The following GYS2 variants were observed in gnomAD, a reference collection of about 807,000 sequenced individuals.
GYS2 encodes the protein glycogen [starch] synthase, liver.
A neutral mutation model predicts 85.6 loss-of-function variants in GYS2; 80 were observed. The ratio of observed to expected loss-of-function variants is 0.93; its 90% CI spans 0.78 to 1.13. The LOEUF is 1.13. Ranked by LOEUF, GYS2 falls within the 50% of genes most tolerant of loss-of-function variation. The pLI, the probability that GYS2 is intolerant of heterozygous loss-of-function variation, is 0.00. For missense variants in GYS2, 881 were observed against 854.9 expected (o/e 1.03, Z -0.38); for synonymous variants, 328 against 300.7 (o/e 1.09, Z -0.94).
intron 4 of GYS2, among the ~76,000 whole-genome samples, chr12:21,569,482 C>T (rs1047912052): frequency 1.3e-4 from 20 of 152,266 alleles, no homozygotes; most frequent in African/African-American, 4.1e-4. Flanking sequence ...GAAAGACAAA[C>T]GCTTTTCCTT....
At chr12:21,538,670 G>C (rs938589066) in intron 15 of GYS2, among the ~76,000 whole-genome samples, 1 of 152,140 alleles carries the variant, frequency 6.6e-6, no homozygotes, top group African/African-American at 2.4e-5. Context: ...CTACTGCAAG[G>C]ACTGATCCCA....
Position 21,559,185 on chromosome 12 carries a change from G to T in GYS2, c.1230-16C>A, listed in dbSNP as rs752813119. ...AATTTCTCCTCTGCAGGGAAAAAAT[G>T]TTAATAACAAAAATAAAAACAGCTG... On this transcript the variant is annotated splice_polypyrimidine_tract_variant and intron_variant, in intron 9 of 15. Transcript: ENST00000261195. 9 of 1,502,632 alleles carry T rather than the reference G, an allele frequency of 6.0e-6. No homozygotes were observed. The Admixed American group carries it at 1.3e-4, about 22-fold the overall frequency. The allele number at this position is 1,502,632 out of a possible 1,614,324, so 93.1% of individuals were successfully genotyped here.
intron 7 of GYS2, among the ~76,000 whole-genome samples, chr12:21,561,082 G>A (rs11046119): frequency 0.03 from 4,539 of 152,192 alleles, 126 homozygotes; most frequent in Non-Finnish European, 0.04. Context: ...AGCACATGAC[G>A]AGCACTTTTG....
intron 2 of GYS2, among the ~76,000 whole-genome samples, chr12:21,579,636 T>C (rs954075349): frequency 6.6e-6 from 1 of 152,094 alleles, no homozygotes; most frequent in Non-Finnish European, 1.5e-5. Context: ...GCTGGGATTA[T>C]AGGCATGAGC....
At chr12:21,551,615 A>G (rs945971352) in intron 11 of GYS2, among the ~76,000 whole-genome samples, 1 of 152,158 alleles carries the variant, frequency 6.6e-6, no homozygotes, top group Non-Finnish European at 1.5e-5. Context: ...GCAGATCCAT[A>G]AGTAAGAGAT....
chr12:21,577,251 T>C (rs1944456906), intron 2 of GYS2, among the ~76,000 whole-genome samples: 1 of 152,234 alleles, frequency 6.6e-6, no homozygotes, highest in South Asian at 2.1e-4. Flanking sequence ...ATTCATTGCT[T>C]CATGTATTTA....
chr12:21,601,347 C>T (rs1944754511), intron 1 of GYS2, among the ~76,000 whole-genome samples: 1 of 152,080 alleles, frequency 6.6e-6, no homozygotes, highest in South Asian at 2.1e-4. Flanking sequence ...AGTGACTCCT[C>T]ATTCATTGTT....
chr12:21,600,990 G>A (rs112284336), intron 1 of GYS2, among the ~76,000 whole-genome samples: 2 of 152,110 alleles, frequency 1.3e-5, no homozygotes, highest in African/African-American at 2.4e-5. Flanking sequence ...TAAGAGGGAA[G>A]CATTTATTTA....
At chr12:21,568,791 C>A (rs1944352513) in intron 5 of GYS2, 74 bp downstream of exon 5, 2 of 1,343,932 alleles carry the variant, frequency 1.5e-6, no homozygotes, top group Admixed American at 3.4e-5. Context: ...TACTACTTCA[C>A]GATGGAAAAC....
intron 1 of GYS2, among the ~76,000 whole-genome samples, chr12:21,591,628 C>A (rs1944640141): frequency 6.6e-6 from 1 of 152,100 alleles, no homozygotes; most frequent in African/African-American, 2.4e-5. Context: ...GACATCCAGA[C>A]AAATGAAAAT....
chr12:21,594,919 T>C (rs1022121499), intron 1 of GYS2, among the ~76,000 whole-genome samples: 3 of 152,092 alleles, frequency 2.0e-5, no homozygotes, highest in Non-Finnish European at 2.9e-5. Flanking sequence ...TGGAAGAGAA[T>C]AGAGAACCTA....
Position 21,564,287 on chromosome 12 carries a change from C to T in GYS2, c.824-942G>A, listed in dbSNP as rs1410229599. On this transcript the variant is annotated intron_variant, in intron 5 of 15. Transcript: ENST00000261195. ...CTCTACTAAAAATACAAAAATTAGT[C>T]AGGCATGGTGGTGTGCGCCTGTAGT... Among the ~76,000 whole-genome samples, 8 of 152,070 alleles carry T rather than the reference C, an allele frequency of 5.3e-5. No individual in the cohort carries two copies. The South Asian group carries it at 1.0e-3, about 20-fold the overall frequency.
intron 1 of GYS2, 132 bp from the exon 2 acceptor site, chr12:21,580,655 CA>C: frequency 1.4e-6 from 1 of 737,330 alleles, no homozygotes. Flanking sequence ...ATTTACCTTT[CA>C]AAAATAATAG....
Position 21,546,439 on chromosome 12 carries a change from G to A in GYS2, c.1454C>T (p.Thr485Ile), listed in dbSNP as rs771038488. The A allele has an allele frequency of 3.8e-6, 6 of 1,594,298 alleles. No individual in the cohort carries two copies. The highest frequency in any genetic ancestry group is 4.3e-6 in the Non-Finnish European group (5 of 1,163,470). ...VILHPEFLSS[T>I]SPLLPMDYEE... The stretch of plus-strand genomic sequence containing the variant: ...ATAGTCCATGGGTAGTAAGGGACTG[G>A]TGGAGGATAGAAACTCTGGGTGCAA... Residue 485 changes from threonine to isoleucine, a missense_variant, in exon 12 of 16, where the codon ACC becomes ATC. Coordinates refer to ENST00000261195, the MANE Select transcript of GYS2 (RefSeq NM_021957.4).
intron 11 of GYS2, among the ~76,000 whole-genome samples, chr12:21,557,435 C>T (rs1481796242): frequency 2.0e-5 from 3 of 152,226 alleles, no homozygotes; most frequent in African/African-American, 4.8e-5. Context: ...GAATGAATTG[C>T]TCTATAGAAA....
intron 2 of GYS2, among the ~76,000 whole-genome samples, chr12:21,577,304 G>T (rs1944457506): frequency 6.6e-6 from 1 of 152,076 alleles, no homozygotes; most frequent in African/African-American, 2.4e-5. Flanking sequence ...AATATTTACT[G>T]ACTGCCTAAT....
At chr12:21,560,360 A>G (rs1944237491) in intron 8 of GYS2, 26 bp downstream of exon 8, 4 of 1,161,494 alleles carry the variant, frequency 3.4e-6, no homozygotes, top group Non-Finnish European at 3.9e-6. Flanking sequence ...TTATTGCTAG[A>G]GAACATTCAC....
intron 11 of GYS2, among the ~76,000 whole-genome samples, chr12:21,547,778 C>T (rs2136853141): frequency 6.6e-6 from 1 of 152,104 alleles, no homozygotes; most frequent in South Asian, 2.1e-4. Context: ...TAATTATGTG[C>T]CAATGTAGGT....
chr12:21,598,893 G>C (rs1944723950), intron 1 of GYS2, among the ~76,000 whole-genome samples: 1 of 152,066 alleles, frequency 6.6e-6, no homozygotes, highest in South Asian at 2.1e-4. Context: ...TGAGGACAAA[G>C]TATCACAACT....
Sources: gnomAD v4.1 joint callset for allele counts (sites outside exome capture counted in the v4.1 genomes callset) on GRCh38, gnomAD v4.1.1 for gene constraint, MANE v1.5 for transcripts, NCBI Gene and HGNC (gene_info 2026-07-23, HGNC 2026-07-21) for gene names.